Variants in NXPH1 observed in about 807,000 individuals in gnomAD.
The protein encoded by NXPH1 is neurexophilin-1.
NXPH1 carries 5 observed loss-of-function variants against 23.7 expected under a neutral mutation model. The ratio of observed to expected loss-of-function variants is 0.21; its 90% CI spans 0.11 to 0.44. The LOEUF (loss-of-function observed/expected upper bound fraction) is 0.44, where lower values mean the gene tolerates loss of function less well. Among genes scored for constraint, NXPH1 ranks in the 20% least tolerant of loss-of-function variants. NXPH1 has a pLI of 0.99. For synonymous variants in NXPH1, 144 were observed against 122.2 expected, an observed-to-expected ratio of 1.18 and a Z score of -1.18; for missense variants, 324 against 321.6, an observed-to-expected ratio of 1.01 and a Z score of -0.06.
chr7:8,592,549 T>C lies in NXPH1; in HGVS notation c.54+156782T>C, dbSNP rs73052509. 7.8e-3 allele frequency among the ~76,000 whole-genome samples: 1,180 copies of C among 152,178 alleles called. 5 individuals carry two copies. The highest frequency in any genetic ancestry group is 0.011 in the Non-Finnish European group (744 of 67,958). On this transcript the variant is annotated intron_variant, in intron 2 of 2. Transcript: ENST00000405863. ...ATATTTACTGTTCATTGAGGACTTA[T>C]ATGTTAAGTAGTATGTTAACCATTT...
At chr7:8,496,519 C>G (rs1817340686) in intron 2 of NXPH1, among the ~76,000 whole-genome samples, 1 of 151,892 alleles carries the variant, frequency 6.6e-6, no homozygotes, top group Non-Finnish European at 1.5e-5. Flanking sequence ...GAGACCTGCC[C>G]AAGTCTTTAA....
At chr7:8,451,878 C>T (rs1173876546) in intron 2 of NXPH1, among the ~76,000 whole-genome samples, 2 of 152,172 alleles carry the variant, frequency 1.3e-5, no homozygotes, top group East Asian at 1.9e-4. Context: ...TTTCATGATC[C>T]TTTCCCCATT....
chr7:8,587,037 T>A (rs1019452362), intron 2 of NXPH1, among the ~76,000 whole-genome samples: 1 of 152,178 alleles, frequency 6.6e-6, no homozygotes, highest in African/African-American at 2.4e-5. Context: ...TACCCGCTTA[T>A]AAATTATATT....
intron 2 of NXPH1, among the ~76,000 whole-genome samples, chr7:8,520,075 G>A (rs1408491596): frequency 2.0e-5 from 3 of 151,788 alleles, no homozygotes; most frequent in Non-Finnish European, 4.4e-5. Context: ...AAAAGAATGG[G>A]GTTATAAACC....
At chr7:8,481,587 T>C (rs967099819) in intron 2 of NXPH1, among the ~76,000 whole-genome samples, 1 of 152,238 alleles carries the variant, frequency 6.6e-6, no homozygotes, top group Non-Finnish European at 1.5e-5. Context: ...AAGTAAGTGA[T>C]GTAATTTATA....
intron 2 of NXPH1, among the ~76,000 whole-genome samples, chr7:8,731,984 A>G (rs1227676025): frequency 6.6e-6 from 1 of 152,200 alleles, no homozygotes; most frequent in Non-Finnish European, 1.5e-5. Context: ...TGTGCTAGCA[A>G]TCAGCAAGAC....
intron 2 of NXPH1, among the ~76,000 whole-genome samples, chr7:8,710,472 A>G (rs1779770305): frequency 6.6e-6 from 1 of 152,156 alleles, no homozygotes; most frequent in Non-Finnish European, 1.5e-5. Context: ...ATTTTAAAGA[A>G]GCATTTTTCT....
intron 2 of NXPH1, among the ~76,000 whole-genome samples, chr7:8,469,798 A>T (rs114283963): frequency 0.022 from 3,307 of 152,282 alleles, 127 homozygotes; most frequent in African/African-American, 0.076. Flanking sequence ...CATGCTGGGC[A>T]TTTAATATAC....
At chr7:8,623,446 T>C (rs923515496) in intron 2 of NXPH1, among the ~76,000 whole-genome samples, 5 of 151,944 alleles carry the variant, frequency 3.3e-5, no homozygotes, top group Non-Finnish European at 1.5e-5. Context: ...TAACACAAAG[T>C]AAACTGTCAT....
intron 2 of NXPH1, among the ~76,000 whole-genome samples, chr7:8,469,520 C>G (rs1368631280): frequency 1.3e-5 from 2 of 151,940 alleles, no homozygotes; most frequent in African/African-American, 4.8e-5. Flanking sequence ...AACAATCGTT[C>G]CCTCTCCTCT....
At chr7:8,694,193 C>T (rs1214175972) in intron 2 of NXPH1, among the ~76,000 whole-genome samples, 1 of 152,088 alleles carries the variant, frequency 6.6e-6, no homozygotes, top group Non-Finnish European at 1.5e-5. Flanking sequence ...AGCTGCATGT[C>T]ATGAAAGTGC....
At chr7:8,540,099 C>T (rs1448928474) in intron 2 of NXPH1, among the ~76,000 whole-genome samples, 2 of 151,740 alleles carry the variant, frequency 1.3e-5, no homozygotes, top group East Asian at 3.9e-4. Flanking sequence ...TTAGCAGATC[C>T]TACAATCTTA....
intron 2 of NXPH1, among the ~76,000 whole-genome samples, chr7:8,505,078 A>AT (rs1817499622): frequency 6.6e-6 from 1 of 151,856 alleles, no homozygotes; most frequent in South Asian, 2.1e-4. Context: ...AGGGGATCAA[A>AT]TTTTTTTTAA....
intron 2 of NXPH1, among the ~76,000 whole-genome samples, chr7:8,619,701 T>C (rs2882181): frequency 0.33 from 50,256 of 152,000 alleles, 9,898 homozygotes; most frequent in African/African-American, 0.54. Flanking sequence ...GCGTATTTTT[T>C]AAGTGGGAAA....
intron 2 of NXPH1, among the ~76,000 whole-genome samples, chr7:8,601,693 A>G (rs1819366015): frequency 1.3e-5 from 2 of 152,194 alleles, no homozygotes; most frequent in African/African-American, 4.8e-5. Context: ...AATTCCCTAA[A>G]ATACAGGAAG....
intron 2 of NXPH1, among the ~76,000 whole-genome samples, chr7:8,470,657 C>A (rs762120617): frequency 3.3e-5 from 5 of 152,166 alleles, no homozygotes; most frequent in African/African-American, 7.2e-5. Flanking sequence ...GAAATAAACA[C>A]CCACCTTTAA....
intron 2 of NXPH1, among the ~76,000 whole-genome samples, chr7:8,655,900 C>T (rs919449900): frequency 1.3e-5 from 2 of 152,140 alleles, no homozygotes; most frequent in Non-Finnish European, 2.9e-5. Flanking sequence ...ACCCTTACTC[C>T]ACTGTGTTCC....
intron 2 of NXPH1, among the ~76,000 whole-genome samples, chr7:8,732,784 G>C (rs971692245): frequency 6.6e-5 from 10 of 152,110 alleles, no homozygotes; most frequent in African/African-American, 2.2e-4. Context: ...TCAGTGAGTG[G>C]TGAGGAAATG....
intron 2 of NXPH1, among the ~76,000 whole-genome samples, chr7:8,503,560 T>A (rs1817473065): frequency 6.6e-6 from 1 of 151,996 alleles, no homozygotes; most frequent in Admixed American, 6.6e-5. Flanking sequence ...TTTCTTCTGC[T>A]TGTTTTTGAT....
Sources: gnomAD v4.1 joint callset for allele counts (sites outside exome capture counted in the v4.1 genomes callset) on GRCh38, gnomAD v4.1.1 for gene constraint, MANE v1.5 for transcripts, NCBI Gene and HGNC (gene_info 2026-07-23, HGNC 2026-07-21) for gene names.